The following DGCR2 variants were observed in gnomAD, a reference collection of about 807,000 sequenced individuals.
DGCR2 encodes DiGeorge syndrome critical region gene 2, also known as integral membrane protein DGCR2/IDD.
Under a neutral mutation model 51.6 loss-of-function variants are expected in DGCR2, and 24 were observed. The observed-to-expected ratio is 0.47, with a 90% CI of 0.34 to 0.65. The LOEUF (loss-of-function observed/expected upper bound fraction) is 0.65, where lower values mean the gene tolerates loss of function less well. DGCR2 is among the 30% of genes least tolerant of loss of function. The probability of loss-of-function intolerance (pLI) is 0.01; values close to 1 mark genes in which losing one functional copy is unlikely to be tolerated. For missense variants in DGCR2, 765 were observed against 772.1 expected, an observed-to-expected ratio of 0.99 and a Z score of 0.11; for synonymous variants, 340 against 315.4, an observed-to-expected ratio of 1.08 and a Z score of -0.82.
At chr22:19,109,859 T>C (rs1288031652) in intron 1 of DGCR2, among the ~76,000 whole-genome samples, 1 of 152,084 alleles carries the variant, frequency 6.6e-6, no homozygotes. Flanking sequence ...GGATTTAAAG[T>C]CCTAAGGATA....
chr22:19,075,560 T>C (rs1042650948), intron 2 of DGCR2, among the ~76,000 whole-genome samples: 15 of 151,988 alleles, frequency 9.9e-5, no homozygotes, highest in Non-Finnish European at 1.9e-4. Flanking sequence ...CCAAACAAAC[T>C]CCGTATCCAT....
At chr22:19,070,193 G>A (rs1460287672) in intron 2 of DGCR2, among the ~76,000 whole-genome samples, 1 of 152,188 alleles carries the variant, frequency 6.6e-6, no homozygotes, top group Admixed American at 6.5e-5. Context: ...TAGCTCTGAT[G>A]CAGGGATGCA....
At chr22:19,102,869 G>A (rs1008515224) in intron 1 of DGCR2, among the ~76,000 whole-genome samples, 12 of 152,016 alleles carry the variant, frequency 7.9e-5, no homozygotes, top group African/African-American at 2.7e-4. Flanking sequence ...TGCCAGACAC[G>A]GTGGCATGCA....
intron 2 of DGCR2, among the ~76,000 whole-genome samples, chr22:19,077,289 T>C (rs1447394090): frequency 6.6e-6 from 1 of 152,228 alleles, no homozygotes; most frequent in Non-Finnish European, 1.5e-5. Flanking sequence ...GAAGACTTTA[T>C]TATGTTTTTC....
intron 5 of DGCR2, among the ~76,000 whole-genome samples, chr22:19,058,213 C>T (rs58321659): frequency 0.065 from 9,825 of 152,256 alleles, 529 homozygotes; most frequent in African/African-American, 0.15. Context: ...CACATGGTGC[C>T]CTGCCATGGG....
At chr22:19,097,046 G>A (rs184195455) in intron 1 of DGCR2, among the ~76,000 whole-genome samples, 1 of 152,178 alleles carries the variant, frequency 6.6e-6, no homozygotes, top group East Asian at 1.9e-4. Flanking sequence ...TGAGTAAGAA[G>A]TAATAAGTAA....
intron 1 of DGCR2, chr22:19,121,888 G>C (rs564950758): frequency 1.1e-3 from 272 of 258,650 alleles, no homozygotes; most frequent in African/African-American, 5.9e-3. Context: ...CCGCTCCCGG[G>C]AAGGGCCCAG....
chr22:19,041,858 G>T lies in DGCR2; in HGVS notation c.1108C>A (p.Arg370=), dbSNP rs375088077. 1 of 1,613,176 alleles carries T rather than the reference G, an allele frequency of 6.2e-7. No individual in the cohort carries two copies. Among genetic ancestry groups the T allele is most frequent in the Non-Finnish European group, 8.5e-7 (1 of 1,179,976 alleles). ...ILSLLLFMVH[R]LRQRRRERIE... ...CGCTCCCGGCGCCGCTGGCGCAGCC[G>T]GTGGACCATGAAGAGCAGCAGTGAC... The change falls in exon 8 of 10, where the codon CGG becomes AGG. Residue 370 remains arginine (R), a synonymous_variant. Transcript: ENST00000263196.
At chr22:19,098,273 G>A (rs952821903) in intron 1 of DGCR2, among the ~76,000 whole-genome samples, 4 of 151,986 alleles carry the variant, frequency 2.6e-5, no homozygotes, top group African/African-American at 9.7e-5. Flanking sequence ...GGCCTTCTTG[G>A]CCTAGCCCTG....
chr22:19,115,296 G>A lies in DGCR2; in HGVS notation c.79+6832C>T, dbSNP rs2083362411. ...GGCTTGCTGGGGTCCCTCCCTCTGGGAGCCCCTCAACCCTCCACCCCAGGC... is the reference window on the plus strand; with the variant it reads ...GGCTTGCTGGGGTCCCTCCCTCTGGAAGCCCCTCAACCCTCCACCCCAGGC... On this transcript the variant is annotated intron_variant, in intron 1 of 9. Coordinates refer to ENST00000263196, the MANE Select transcript of DGCR2 (RefSeq NM_005137.3). 4.6e-5 allele frequency among the ~76,000 whole-genome samples: 7 copies of A among 152,324 alleles called. No individual in the cohort carries two copies. The South Asian group carries it at 1.2e-3, about 27-fold the overall frequency.
chr22:19,059,071 A>G (rs2082632936), intron 5 of DGCR2, among the ~76,000 whole-genome samples: 1 of 152,258 alleles, frequency 6.6e-6, no homozygotes, highest in East Asian at 1.9e-4. Flanking sequence ...AGTGGCAGCC[A>G]TGAACAAGGC....
chr22:19,111,379 A>G (rs1270840223), intron 1 of DGCR2, among the ~76,000 whole-genome samples: 2 of 152,176 alleles, frequency 1.3e-5, no homozygotes, highest in Non-Finnish European at 2.9e-5. Flanking sequence ...CGCTCCACTT[A>G]GCTCCCTCTG....
At chr22:19,055,288 A>G (rs1166268567) in intron 6 of DGCR2, among the ~76,000 whole-genome samples, 1 of 152,158 alleles carries the variant, frequency 6.6e-6, no homozygotes, top group Non-Finnish European at 1.5e-5. Context: ...AAAATCCACT[A>G]AAAGCATTTA....
chr22:19,107,482 T>A (rs987696611), intron 1 of DGCR2, among the ~76,000 whole-genome samples: 7 of 152,214 alleles, frequency 4.6e-5, no homozygotes, highest in Admixed American at 4.6e-4. Flanking sequence ...CCTGCTACCA[T>A]CTATCTGTAG....
At chr22:19,040,945 A>G (rs1262397745) in intron 9 of DGCR2, 113 bp downstream of exon 9, 2 of 977,946 alleles carry the variant, frequency 2.0e-6, no homozygotes, top group Admixed American at 2.8e-5. Context: ...CCAAAGACAA[A>G]GCCGGAAAGA....
intron 6 of DGCR2, among the ~76,000 whole-genome samples, chr22:19,050,033 G>A (rs752274265): frequency 1.3e-5 from 2 of 151,998 alleles, no homozygotes; most frequent in Non-Finnish European, 2.9e-5. Flanking sequence ...GGAGAGGAGA[G>A]AGAGAAAGAG....
chr22:19,057,288 G>A lies in DGCR2; in HGVS notation c.626-126C>T. The A allele has an allele frequency of 9.3e-7, 1 of 1,077,826 alleles. No individual in the cohort carries two copies. The highest frequency in any genetic ancestry group is 1.7e-5 in the South Asian group (1 of 58,588). The allele number at this position is 1,077,826 out of a possible 1,614,324, so 66.8% of individuals were successfully genotyped here. ...AGGGCCTGGACCGCCAAGTACTGGT[G>A]GTCACTGTGGCCAGGTGTTCACTCG... On this transcript the variant is annotated intron_variant, in intron 5 of 9. Transcript: ENST00000263196. This position sits in a 1 kb window ranked among gnomAD's most constrained non-coding sequence, Gnocchi z 5.1.
At chr22:19,116,268 G>C (rs2083372199) in intron 1 of DGCR2, among the ~76,000 whole-genome samples, 1 of 152,216 alleles carries the variant, frequency 6.6e-6, no homozygotes, top group Non-Finnish European at 1.5e-5. Context: ...AGGATGCCCA[G>C]AAGGTCCAGG....
intron 9 of DGCR2, among the ~76,000 whole-genome samples, chr22:19,040,669 A>C (rs546160705): frequency 1.3e-5 from 2 of 152,206 alleles, no homozygotes; most frequent in Non-Finnish European, 2.9e-5. Context: ...TCTCTAGCTC[A>C]TGTGTCTACA....
Sources: allele counts gnomAD v4.1 joint callset (sites outside exome capture counted in the v4.1 genomes callset), GRCh38; gene constraint gnomAD v4.1.1; non-coding constraint Gnocchi (gnomAD v3.1); transcripts MANE v1.5; gene names NCBI Gene and HGNC (gene_info 2026-07-23, HGNC 2026-07-21).